Variants in MICAL2 observed in about 807,000 individuals in gnomAD.
The protein encoded by MICAL2 is microtubule associated monooxygenase, calponin and LIM domain containing 2.
In MICAL2, 77 loss-of-function variants were observed where a neutral mutation model predicts 127.3. The observed-to-expected ratio is 0.60, with a 90% confidence interval of 0.50 to 0.73. The LOEUF is 0.73. Among genes scored for constraint, MICAL2 ranks in the 30% least tolerant of loss-of-function variants. MICAL2 has a pLI of 0.00. For missense variants in MICAL2, 1,351 were observed against 1,434.4 expected (o/e 0.94, Z 0.94); for synonymous variants, 570 against 551.1 (o/e 1.03, Z -0.48).
intron 1 of MICAL2, among the ~76,000 whole-genome samples, chr11:12,130,809 TG>T (rs1851351975): frequency 5.3e-5 from 8 of 152,196 alleles, no homozygotes; most frequent in Admixed American, 2.6e-4. Flanking sequence ...AATTAAGGCC[TG>T]GCAGGTCTGC....
intron 2 of MICAL2, among the ~76,000 whole-genome samples, chr11:12,282,146 GA>G (rs1419205913): frequency 6.6e-6 from 1 of 152,166 alleles, no homozygotes; most frequent in African/African-American, 2.4e-5. Context: ...TTAAATCCTG[GA>G]ATTGTTGAAT....
intron 1 of MICAL2, among the ~76,000 whole-genome samples, chr11:12,118,539 T>C (rs1387619446): frequency 6.6e-6 from 1 of 152,208 alleles, no homozygotes; most frequent in Non-Finnish European, 1.5e-5. Context: ...GCCTAACCAT[T>C]TCCCCTTCCA....
rs1455192867 is a variant in MICAL2 at position 12,213,322 on chromosome 11, C to T, written c.759C>T (p.Asn253=). ...IAITANFINR[N]STAEAKVEEI... is the part of the protein sequence containing the mutation. ...TCACCGCCAACTTCATAAACAGAAACAGCACAGCGGAAGCCAAGGTGGAAG... is the reference window on the plus strand; with the variant it reads ...TCACCGCCAACTTCATAAACAGAAATAGCACAGCGGAAGCCAAGGTGGAAG... The change falls in exon 7 of 28, where the codon AAC becomes AAT. Residue 253 remains asparagine, a synonymous_variant. Transcript: ENST00000683283. 1 of 1,613,916 alleles carries T rather than the reference C, an allele frequency of 6.2e-7. No individual in the cohort carries two copies. Among genetic ancestry groups the T allele is most frequent in the Non-Finnish European group, 8.5e-7 (1 of 1,179,798 alleles).
chr11:12,193,042 T>G (rs1859412768), intron 3 of MICAL2, among the ~76,000 whole-genome samples: 2 of 152,192 alleles, frequency 1.3e-5, no homozygotes, highest in Non-Finnish European at 1.5e-5. Context: ...GCTTCTAGTC[T>G]CAGGTCCCTC....
rs191223897 is a variant in MICAL2 at position 12,219,465 on chromosome 11, T to A, written c.949-736T>A. Among the ~76,000 whole-genome samples, 274 of 138,568 alleles carry A rather than the reference T, an allele frequency of 2.0e-3. 2 individuals carry two copies. The highest frequency in any genetic ancestry group is 3.0e-3 in the Non-Finnish European group (200 of 66,452). The allele number at this position is 138,568 out of a possible 152,430, so 90.9% of individuals were successfully genotyped here. A position where few individuals can be genotyped will look rare whatever the true frequency, so the allele number is the denominator to read the frequency against. On this transcript the variant is annotated intron_variant, in intron 8 of 27. Coordinates refer to ENST00000683283, the MANE Select transcript of MICAL2 (RefSeq NM_001282663.2). The stretch of plus-strand genomic sequence containing the variant: ...ATTGCTTGAACCTGGGAGGCGGAGG[T>A]TGCAGTGAGCCAAAATCACACCATT...
chr11:12,248,131 A>G (rs1861008830), intron 21 of MICAL2, among the ~76,000 whole-genome samples: 1 of 152,210 alleles, frequency 6.6e-6, no homozygotes, highest in African/African-American at 2.4e-5. Flanking sequence ...ACTCCAAGAC[A>G]GGGAGCCAGG....
chr11:12,337,729 A>G (rs1406056027), intron 32 of MICAL2, among the ~76,000 whole-genome samples: 4 of 151,860 alleles, frequency 2.6e-5, no homozygotes, highest in Non-Finnish European at 5.9e-5. Flanking sequence ...GTCATTCAGG[A>G]GCAGGTTGTT....
In MICAL2 at chr11:12,235,436, A is replaced by G. The variant is rs191907379; in HGVS notation, c.1996-741A>G. Among the ~76,000 whole-genome samples, 443 of 152,284 alleles carry G rather than the reference A, an allele frequency of 2.9e-3. 3 individuals are homozygous for G. Among genetic ancestry groups the G allele is most frequent in the African/African-American group, 1.0e-2 (414 of 41,560 alleles). Reference sequence around the variant, plus strand: ...AACCATGTCATGTATCATCTAAACCAGGAGACTTCTGAGAGTGAAGGGGGC... The same window carrying G: ...AACCATGTCATGTATCATCTAAACCGGGAGACTTCTGAGAGTGAAGGGGGC... On this transcript the variant is annotated intron_variant, in intron 15 of 27. Transcript: ENST00000683283.
chr11:12,296,860 A>G (rs186606719), downstream of MICAL2, among the ~76,000 whole-genome samples: 3 of 151,974 alleles, frequency 2.0e-5, no homozygotes, highest in Non-Finnish European at 2.9e-5. Context: ...AGCTCATTCC[A>G]TATTAGTACG....
intron 30 of MICAL2, chr11:12,323,923 A>G: frequency 6.4e-7 from 1 of 1,562,458 alleles, no homozygotes; most frequent in Non-Finnish European, 8.7e-7. Flanking sequence ...GATATTTTGT[A>G]AATTTCAACC....
intron 1 of MICAL2, among the ~76,000 whole-genome samples, chr11:12,119,850 C>T (rs1850361877): frequency 6.6e-6 from 1 of 152,102 alleles, no homozygotes; most frequent in Non-Finnish European, 1.5e-5. Flanking sequence ...CTTGTTTTAC[C>T]TATGGAGAAA....
intron 2 of MICAL2, 53 bp from the exon 3 acceptor site, chr11:12,162,026 C>G: frequency 7.9e-7 from 1 of 1,273,472 alleles, no homozygotes; most frequent in Non-Finnish European, 1.1e-6. Flanking sequence ...CACCCATCCC[C>G]CACCCTAACC....
chr11:12,246,141 C>A (rs899352398), intron 21 of MICAL2, among the ~76,000 whole-genome samples: 2 of 152,202 alleles, frequency 1.3e-5, no homozygotes, highest in Non-Finnish European at 2.9e-5. Flanking sequence ...TGGTTTCCAC[C>A]GGGCATTAGA....
At chr11:12,150,733 G>T (rs759197130) in intron 2 of MICAL2, among the ~76,000 whole-genome samples, 4 of 152,150 alleles carry the variant, frequency 2.6e-5, no homozygotes, top group Non-Finnish European at 5.9e-5. Context: ...TAGATACAAA[G>T]GTTCCCCTGG....
intron 29 of MICAL2, among the ~76,000 whole-genome samples, chr11:12,300,521 A>T (rs1026789610): frequency 1.3e-5 from 2 of 152,150 alleles, no homozygotes; most frequent in Non-Finnish European, 2.9e-5. Flanking sequence ...CTTGAGAGAG[A>T]CATGGTCCTC....
At chr11:12,212,205 A>C (rs1384511189) in intron 6 of MICAL2, among the ~76,000 whole-genome samples, 1 of 152,190 alleles carries the variant, frequency 6.6e-6, no homozygotes, top group Non-Finnish European at 1.5e-5. Context: ...AGCTGCTGTG[A>C]TCCTCCATAG....
At chr11:12,189,233 T>C (rs1858742129) in intron 3 of MICAL2, among the ~76,000 whole-genome samples, 1 of 152,206 alleles carries the variant, frequency 6.6e-6, no homozygotes, top group Admixed American at 6.5e-5. Context: ...TCCAGGTCCT[T>C]GCCTCTACTC....
downstream of MICAL2, among the ~76,000 whole-genome samples, chr11:12,360,129 A>AAAAAT (rs10656087): frequency 2.0e-5 from 3 of 151,308 alleles, no homozygotes; most frequent in African/African-American, 7.3e-5. Flanking sequence ...TAAAAAAAAA[A>AAAAAT]TAAGAATCAG....
In MICAL2 at chr11:12,312,322, GAAC is replaced by G. The variant is rs1158630504; in HGVS notation, c.5213-7369_5213-7367del. 2.7e-5 allele frequency among the ~76,000 whole-genome samples: 4 copies of G among 147,390 alleles called. No individual in the cohort carries two copies. In the East Asian group the frequency reaches 6.1e-4, roughly 23 times the overall value. On this transcript the variant is annotated intron_variant, in intron 29 of 34. Transcript: ENST00000646065. ...TTCTAGCTTCTTGAAATGGATCTTA[GAAC>G]AACATTTCTCAACTTTTTTTTTTTT...
Sources: gnomAD v4.1 joint callset for allele counts (sites outside exome capture counted in the v4.1 genomes callset) on GRCh38, gnomAD v4.1.1 for gene constraint, MANE v1.5 for transcripts, NCBI Gene and HGNC (gene_info 2026-07-23, HGNC 2026-07-21) for gene names.